Variants in ANKIB1 observed in about 807,000 individuals in gnomAD.
The protein encoded by ANKIB1 is ankyrin repeat and IBR domain-containing protein 1.
ANKIB1 carries 43 observed loss-of-function variants against 122.1 expected under a neutral mutation model. That is an observed-to-expected ratio of 0.35 (90% CI 0.28 to 0.45). ANKIB1 has a LOEUF of 0.45. ANKIB1 is among the 20% of genes least tolerant of loss of function. ANKIB1 has a pLI of 1.00. For missense variants in ANKIB1, 992 were observed against 1,329.5 expected (o/e 0.75, Z 3.95); for synonymous variants, 390 against 442.0 (o/e 0.88, Z 1.48).
chr7:92,300,593 A>G (rs765915639), intron 2 of ANKIB1, among the ~76,000 whole-genome samples: 8 of 152,056 alleles, frequency 5.3e-5, no homozygotes, highest in Non-Finnish European at 7.4e-5. Flanking sequence ...TAAAAATTGT[A>G]TATATTTAAG....
chr7:92,397,215 C>T (rs1019474804), intron 18 of ANKIB1, among the ~76,000 whole-genome samples: 2 of 152,084 alleles, frequency 1.3e-5, no homozygotes, highest in Admixed American at 6.5e-5. Flanking sequence ...CAGCCAGGCA[C>T]GGTGGCTCAT....
At chr7:92,332,077 C>G (rs1413715375) in intron 5 of ANKIB1, among the ~76,000 whole-genome samples, 1 of 152,156 alleles carries the variant, frequency 6.6e-6, no homozygotes, top group Non-Finnish European at 1.5e-5. Context: ...ACTGAATTTT[C>G]GTGCTTGGCA....
intron 16 of ANKIB1, 111 bp from the exon 17 acceptor site, chr7:92,392,130 A>T: frequency 2.6e-6 from 2 of 758,090 alleles, no homozygotes; most frequent in Non-Finnish European, 4.1e-6. Flanking sequence ...TACTTTAGTT[A>T]AGCAAGTTCC....
At chr7:92,378,093 T>C (rs751040371) in intron 11 of ANKIB1, among the ~76,000 whole-genome samples, 85 of 152,230 alleles carry the variant, frequency 5.6e-4, no homozygotes, top group Non-Finnish European at 1.1e-3. Flanking sequence ...GATAAAACTC[T>C]ACAGATATTA....
chr7:92,272,869 AAAAGCCT>A (rs1464162919), intron 1 of ANKIB1, among the ~76,000 whole-genome samples: 1 of 152,190 alleles, frequency 6.6e-6, no homozygotes, highest in African/African-American at 2.4e-5. Flanking sequence ...GGTTATATGT[AAAAGCCT>A]ATTGCTCCTA....
At chr7:92,263,082 A>C (rs962900880) in intron 1 of ANKIB1, among the ~76,000 whole-genome samples, 1 of 152,198 alleles carries the variant, frequency 6.6e-6, no homozygotes, top group African/African-American at 2.4e-5. Flanking sequence ...CAAAATGATT[A>C]AACTTCCAAA....
intron 7 of ANKIB1, among the ~76,000 whole-genome samples, chr7:92,350,453 C>T (rs902754130): frequency 6.6e-6 from 1 of 151,998 alleles, no homozygotes; most frequent in Non-Finnish European, 1.5e-5. Flanking sequence ...TATGTGTATG[C>T]ATATATATTG....
chr7:92,305,512 A>G (rs1585098125), intron 2 of ANKIB1, among the ~76,000 whole-genome samples: 3 of 152,342 alleles, frequency 2.0e-5, no homozygotes, highest in East Asian at 3.9e-4. Context: ...GGAGAAGGGA[A>G]CAGACAGGTA....
chr7:92,290,759 T>C (rs116993975), intron 1 of ANKIB1, among the ~76,000 whole-genome samples: 1 of 152,218 alleles, frequency 6.6e-6, no homozygotes, highest in Non-Finnish European at 1.5e-5. Flanking sequence ...AATGGTGCAG[T>C]TGGGAGACAG....
In ANKIB1 at chr7:92,400,326, T is replaced by G. The variant is rs1010120849; in HGVS notation, c.*1377T>G. 3.3e-5 allele frequency: 5 copies of G among 152,320 alleles called. No homozygotes were observed. Among genetic ancestry groups the G allele is most frequent in the Non-Finnish European group, 7.4e-5 (5 of 68,016 alleles). The allele number at this position is 152,320 out of a possible 1,614,324, so 9.4% of individuals were successfully genotyped here. The stretch of plus-strand genomic sequence containing the variant: ...AGAAAATACTGGTCTTAGTTGTAAT[T>G]AGGATACAATGGTACAGTGTGTAAT... On this transcript the variant is annotated 3_prime_UTR_variant, in exon 20 of 20. Coordinates refer to ENST00000265742, the MANE Select transcript of ANKIB1 (RefSeq NM_019004.2).
intron 7 of ANKIB1, 46 bp downstream of exon 7, chr7:92,345,112 C>A: frequency 7.6e-7 from 1 of 1,320,956 alleles, no homozygotes; most frequent in South Asian, 1.3e-5. Flanking sequence ...TGATAGCACT[C>A]TGATTTGTTA....
chr7:92,264,591 T>C (rs1403178069), intron 1 of ANKIB1, among the ~76,000 whole-genome samples: 1 of 152,074 alleles, frequency 6.6e-6, no homozygotes, highest in East Asian at 1.9e-4. Flanking sequence ...TTTGTATTTT[T>C]AGTAAAGACA....
At chr7:92,264,532 G>A (rs1801629940) in intron 1 of ANKIB1, among the ~76,000 whole-genome samples, 1 of 151,860 alleles carries the variant, frequency 6.6e-6, no homozygotes, top group Non-Finnish European at 1.5e-5. Context: ...TGAGTAGGTG[G>A]GACTATAGGT....
chr7:92,382,465 C>G (rs1804539189), intron 11 of ANKIB1, among the ~76,000 whole-genome samples: 3 of 152,162 alleles, frequency 2.0e-5, no homozygotes, highest in African/African-American at 7.2e-5. Context: ...CGCACTTGTT[C>G]CAAAATTGAC....
At chr7:92,365,835 C>T (rs1251840154) in intron 10 of ANKIB1, among the ~76,000 whole-genome samples, 1 of 105,660 alleles carries the variant, frequency 9.5e-6, no homozygotes, top group African/African-American at 3.7e-5. Context: ...CTCGCTCTGT[C>T]GCCCGGGCTG....
At chr7:92,305,604 G>T (rs774918319) in intron 2 of ANKIB1, among the ~76,000 whole-genome samples, 5 of 152,172 alleles carry the variant, frequency 3.3e-5, no homozygotes, top group Admixed American at 2.0e-4. Context: ...CTGAACTGGT[G>T]GGGGAGCCTA....
intron 9 of ANKIB1, among the ~76,000 whole-genome samples, 173 bp downstream of exon 9, chr7:92,352,815 T>C: frequency 6.6e-6 from 1 of 152,190 alleles, no homozygotes; most frequent in African/African-American, 2.4e-5. Context: ...GCTTAGTGTG[T>C]GCCAGGCACT....
intron 5 of ANKIB1, among the ~76,000 whole-genome samples, chr7:92,328,159 A>T (rs541946331): frequency 6.6e-6 from 1 of 152,220 alleles, no homozygotes; most frequent in East Asian, 1.9e-4. Context: ...AAATTATAGA[A>T]TGTCTAATTT....
rs565510584 is a variant in ANKIB1 at position 92,302,195 on chromosome 7, A to G, written c.189-5164A>G. 2.4e-4 allele frequency among the ~76,000 whole-genome samples: 37 copies of G among 152,204 alleles called. 1 individual carries two copies. In the South Asian group the frequency reaches 7.3e-3, roughly 30 times the overall value. ...GTGATCCACTTACCTCAGCCTCCCA[A>G]AGTGTTGGGATTACAGGCGTGAGAC... On this transcript the variant is annotated intron_variant, in intron 2 of 19. Coordinates refer to ENST00000265742, the MANE Select transcript of ANKIB1 (RefSeq NM_019004.2).
Sources: gnomAD v4.1 joint callset for allele counts (sites outside exome capture counted in the v4.1 genomes callset) on GRCh38, gnomAD v4.1.1 for gene constraint, MANE v1.5 for transcripts, NCBI Gene and HGNC (gene_info 2026-07-23, HGNC 2026-07-21) for gene names.